The following PGM5 variants were observed in gnomAD, a reference collection of about 807,000 sequenced individuals.
The protein encoded by PGM5 is phosphoglucomutase-like protein 5.
PGM5 carries 23 observed loss-of-function variants against 59.2 expected under a neutral mutation model. The ratio of observed to expected loss-of-function variants is 0.39; its 90% confidence interval spans 0.28 to 0.55. The LOEUF (loss-of-function observed/expected upper bound fraction) is 0.55, where lower values mean the gene tolerates loss of function less well. PGM5 is among the 20% of genes least tolerant of loss of function. The pLI, the probability that PGM5 is intolerant of heterozygous loss-of-function variation, is 0.66. For synonymous variants in PGM5, 214 were observed against 286.0 expected (o/e 0.75, Z 2.54); for missense variants, 574 against 748.3 (o/e 0.77, Z 2.72).
intron 6 of PGM5, among the ~76,000 whole-genome samples, chr9:68,423,245 T>C (rs1400783207): frequency 3.9e-5 from 6 of 152,162 alleles, no homozygotes; most frequent in African/African-American, 1.4e-4. Flanking sequence ...CACCCAGTAG[T>C]GGGATTGCTG....
intron 6 of PGM5, among the ~76,000 whole-genome samples, chr9:68,420,907 T>C (rs1449810757): frequency 6.6e-6 from 1 of 152,128 alleles, no homozygotes; most frequent in Admixed American, 6.5e-5. Context: ...GCACAGATGG[T>C]TTTGAATGTG....
intron 6 of PGM5, among the ~76,000 whole-genome samples, chr9:68,445,027 T>G (rs11794424): frequency 0.038 from 5,804 of 152,250 alleles, 123 homozygotes; most frequent in African/African-American, 0.055. Flanking sequence ...GAACTAGCTG[T>G]CCCCTAATAT....
At chr9:68,523,721 G>A (rs559542773) in intron 10 of PGM5, among the ~76,000 whole-genome samples, 17 of 152,144 alleles carry the variant, frequency 1.1e-4, no homozygotes, top group African/African-American at 2.4e-4. Flanking sequence ...GGTAATTATC[G>A]TCATCCACAC....
chr9:68,480,507 C>T (rs1299522780), intron 8 of PGM5, among the ~76,000 whole-genome samples: 1 of 152,088 alleles, frequency 6.6e-6, no homozygotes, highest in Non-Finnish European at 1.5e-5. Context: ...GAGTTTGAGA[C>T]CAGGCTGACC....
At chr9:68,367,383 T>G (rs1834700023) in intron 1 of PGM5, among the ~76,000 whole-genome samples, 1 of 152,192 alleles carries the variant, frequency 6.6e-6, no homozygotes, top group Non-Finnish European at 1.5e-5. Flanking sequence ...TCAAATCGAA[T>G]GGACTGGGCC....
intron 10 of PGM5, among the ~76,000 whole-genome samples, chr9:68,514,041 T>C (rs1824789447): frequency 6.6e-6 from 1 of 152,248 alleles, no homozygotes; most frequent in African/African-American, 2.4e-5. Context: ...AGGTAGTTCT[T>C]GGACTAGCAG....
At chr9:68,426,778 T>C (rs1223606336) in intron 6 of PGM5, 1 of 152,176 alleles carries the variant, frequency 6.6e-6, no homozygotes, top group Non-Finnish European at 1.5e-5. Context: ...AGCACTCAAA[T>C]GCCTTCTTGA....
intron 2 of PGM5, among the ~76,000 whole-genome samples, chr9:68,382,924 A>G (rs1822113784): frequency 6.6e-6 from 1 of 152,098 alleles, no homozygotes; most frequent in Admixed American, 6.6e-5. Context: ...AGAATATAGT[A>G]TGGTGCCTGG....
chr9:68,361,660 TA>T (rs1312712606), intron 1 of PGM5, among the ~76,000 whole-genome samples: 4 of 152,228 alleles, frequency 2.6e-5, no homozygotes, highest in African/African-American at 9.6e-5. Context: ...GGGCCTCTTT[TA>T]TAAGGGCACT....
chr9:68,377,971 A>G (rs1252690010), intron 1 of PGM5, among the ~76,000 whole-genome samples: 14 of 152,198 alleles, frequency 9.2e-5, no homozygotes, highest in Non-Finnish European at 1.9e-4. Flanking sequence ...TATCCTATTT[A>G]CAGGTTAATA....
intron 6 of PGM5, among the ~76,000 whole-genome samples, chr9:68,426,357 C>G (rs1359483879): frequency 1.3e-4 from 19 of 151,534 alleles, no homozygotes. Context: ...CTCTTATAAC[C>G]TTCAGATTTC....
intron 6 of PGM5, among the ~76,000 whole-genome samples, chr9:68,403,691 A>G (rs1822732649): frequency 6.6e-6 from 1 of 152,182 alleles, no homozygotes; most frequent in Non-Finnish European, 1.5e-5. Context: ...CTCAAGCCTC[A>G]TAATCTCTTC....
At chr9:68,444,518 G>C (rs1163305992) in intron 6 of PGM5, among the ~76,000 whole-genome samples, 1 of 152,146 alleles carries the variant, frequency 6.6e-6, no homozygotes, top group East Asian at 1.9e-4. Flanking sequence ...AATTATGTAT[G>C]GGCAATCTCT....
At chr9:68,444,153 G>A (rs1554683868) in intron 6 of PGM5, among the ~76,000 whole-genome samples, 1 of 151,852 alleles carries the variant, frequency 6.6e-6, no homozygotes, top group African/African-American at 2.4e-5. Context: ...CAAGGATGGG[G>A]TGTTTTGGGA....
chr9:68,408,615 T>A (rs1462429261), intron 6 of PGM5, among the ~76,000 whole-genome samples: 1 of 152,246 alleles, frequency 6.6e-6, no homozygotes, highest in East Asian at 1.9e-4. Flanking sequence ...TTTCTTGCCA[T>A]TGCTTTTGGT....
chr9:68,516,163 C>T (rs1351956213), intron 10 of PGM5, among the ~76,000 whole-genome samples: 3 of 152,184 alleles, frequency 2.0e-5, no homozygotes, highest in African/African-American at 7.2e-5. Context: ...GAGCCCAAGA[C>T]CTTAACTAAG....
intron 10 of PGM5, among the ~76,000 whole-genome samples, chr9:68,522,384 T>TG (rs1330289370): frequency 6.6e-6 from 1 of 152,126 alleles, no homozygotes; most frequent in Admixed American, 6.5e-5. Flanking sequence ...TCAGAGGGTT[T>TG]GGCAACTGCT....
intron 1 of PGM5, among the ~76,000 whole-genome samples, chr9:68,366,591 C>G (rs263784): frequency 0.039 from 5,970 of 152,040 alleles, 3 homozygotes; most frequent in East Asian, 0.12. Context: ...CCATATACAT[C>G]TCTGGATTTA....
intron 10 of PGM5, among the ~76,000 whole-genome samples, chr9:68,508,259 A>T (rs1268025945): frequency 2.0e-5 from 3 of 152,178 alleles, no homozygotes; most frequent in Non-Finnish European, 4.4e-5. Context: ...CCCGAGAACC[A>T]GTGGTCTTAA....
Sources: allele counts gnomAD v4.1 joint callset (sites outside exome capture counted in the v4.1 genomes callset), GRCh38; gene constraint gnomAD v4.1.1; transcripts MANE v1.5; gene names NCBI Gene and HGNC (gene_info 2026-07-23, HGNC 2026-07-21).